The following PCDHGA9 variants were observed in gnomAD, a reference collection of about 807,000 sequenced individuals.
PCDHGA9 encodes protocadherin gamma-A9.
A neutral mutation model predicts 62.5 loss-of-function variants in PCDHGA9; 37 were observed. The observed-to-expected ratio is 0.59, with a 90% CI of 0.46 to 0.78. PCDHGA9 has a LOEUF of 0.78. PCDHGA9 is among the 30% of genes least tolerant of loss of function. PCDHGA9 has a pLI of 0.00. For synonymous variants in PCDHGA9, 459 were observed against 484.6 expected (o/e 0.95, Z 0.69); for missense variants, 1,138 against 1,166.2 (o/e 0.98, Z 0.35).
At chr5:141,430,383 G>A (rs527531595) in intron 1 of PCDHGA9, among the ~76,000 whole-genome samples, 74 of 138,604 alleles carry the variant, frequency 5.3e-4, no homozygotes, top group Admixed American at 8.6e-4. Flanking sequence ...AGCTCATTGG[G>A]AAAAAAAAAA....
chr5:141,487,802 C>T lies in PCDHGA9; in HGVS notation c.2425-7005C>T, dbSNP rs765438219. The T allele has an allele frequency of 9.5e-6, 14 of 1,477,306 alleles. No individual in the cohort carries two copies. The South Asian group carries it at 1.7e-4, about 18-fold the overall frequency. 91.5% of individuals were successfully genotyped at this position (1,477,306 alleles called of 1,614,324 possible). A position where few individuals can be genotyped will look rare whatever the true frequency, so the allele number is the denominator to read the frequency against. ...TTTCGTGAATTAACCAGAGTTGTCACAGTTTAGCATTGGGGGCGGGTCATG... is the reference window on the plus strand; with the variant it reads ...TTTCGTGAATTAACCAGAGTTGTCATAGTTTAGCATTGGGGGCGGGTCATG... On this transcript the variant is annotated intron_variant, in intron 1 of 3. Transcript: ENST00000573521. The surrounding 1 kb of genome is among the most constrained non-coding windows in gnomAD (Gnocchi z 5.0).
At chr5:141,455,292 G>A (rs2098818902) in intron 1 of PCDHGA9, among the ~76,000 whole-genome samples, 1 of 152,068 alleles carries the variant, frequency 6.6e-6, no homozygotes, top group East Asian at 1.9e-4. Context: ...ACTTTACATA[G>A]TTTCATCTTG....
chr5:141,433,843 A>C (rs2097657951), intron 1 of PCDHGA9, among the ~76,000 whole-genome samples: 1 of 151,956 alleles, frequency 6.6e-6, no homozygotes, highest in African/African-American at 2.4e-5. Context: ...ATCTCAAAAA[A>C]AAAAAAAAAA....
intron 1 of PCDHGA9, chr5:141,417,260 G>A (rs1362206061): frequency 1.3e-5 from 2 of 152,174 alleles, no homozygotes; most frequent in Non-Finnish European, 2.9e-5. Context: ...CAGCTTCATA[G>A]ATAATTACTC....
intron 1 of PCDHGA9, among the ~76,000 whole-genome samples, chr5:141,482,104 A>T (rs11748215): frequency 0.23 from 34,477 of 150,324 alleles, 4,798 homozygotes; most frequent in African/African-American, 0.39. Context: ...AAAAAAAAAA[A>T]ATATCTAGAG....
chr5:141,419,681 G>T (rs377117997), intron 1 of PCDHGA9: 89 of 1,612,904 alleles, frequency 5.5e-5, no homozygotes, highest in Non-Finnish European at 7.0e-5. Flanking sequence ...GTCCTACCAC[G>T]TGGTGCAGGC....
chr5:141,477,219 G>A lies in PCDHGA9; in HGVS notation c.2425-17588G>A. ...CCAGTACCCGAGGATGCCCCTCTGG[G>A]GACTGTCATCGCTTTGCTCAGTGTG... On this transcript the variant is annotated intron_variant, in intron 1 of 3. Coordinates refer to ENST00000573521, the MANE Select transcript of PCDHGA9 (RefSeq NM_018921.3). The surrounding 1 kb of genome is among the most constrained non-coding windows in gnomAD (Gnocchi z 4.9). 1 of 1,614,162 alleles carries A rather than the reference G, an allele frequency of 6.2e-7. No homozygotes were observed. The highest frequency in any genetic ancestry group is 8.5e-7 in the Non-Finnish European group (1 of 1,180,038).
intron 1 of PCDHGA9, chr5:141,408,968 C>T (rs752629281): frequency 6.2e-7 from 1 of 1,613,702 alleles, no homozygotes; most frequent in Non-Finnish European, 8.5e-7. Context: ...TGAAAATCTG[C>T]CCCCTGGGTC....
chr5:141,456,236 T>G (rs1299029934), intron 1 of PCDHGA9, among the ~76,000 whole-genome samples: 1 of 152,120 alleles, frequency 6.6e-6, no homozygotes, highest in African/African-American at 2.4e-5. Flanking sequence ...TAACTGCTGT[T>G]AGGAGGCTTT....
In PCDHGA9 at chr5:141,477,556, T is replaced by C. The variant is rs2099412953; in HGVS notation, c.2425-17251T>C. On this transcript the variant is annotated intron_variant, in intron 1 of 3. Transcript: ENST00000573521. The surrounding 1 kb of genome is among the most constrained non-coding windows in gnomAD (Gnocchi z 4.9). The stretch of plus-strand genomic sequence containing the variant: ...CCGGGGCTCCAATACTAAACCTAAG[T>C]GTCTGGGACCCCGACGCCCCGCAGA... 6.2e-7 allele frequency: 1 copy of C among 1,614,164 alleles called. No homozygotes were observed. The highest frequency in any genetic ancestry group is 1.1e-5 in the South Asian group (1 of 91,086).
chr5:141,423,210 C>A (rs954945082), intron 1 of PCDHGA9: 2 of 1,613,578 alleles, frequency 1.2e-6, no homozygotes, highest in East Asian at 4.5e-5. Flanking sequence ...CCGTCACGCT[C>A]ACCGTGGCTG....
intron 1 of PCDHGA9, chr5:141,428,437 C>G: frequency 2.5e-6 from 1 of 400,386 alleles, no homozygotes; most frequent in East Asian, 5.4e-5. Flanking sequence ...TAAGACTAGA[C>G]CAGGGGTTTT....
In PCDHGA9 at chr5:141,487,161, T is replaced by G; in HGVS notation, c.2425-7646T>G. ...CTCTCTACCTCTGTTACTCTCTTAGTGTCCTTAGAGGAAGACACTCATCCA... is the reference window on the plus strand; with the variant it reads ...CTCTCTACCTCTGTTACTCTCTTAGGGTCCTTAGAGGAAGACACTCATCCA... On this transcript the variant is annotated intron_variant, in intron 1 of 3. Transcript: ENST00000573521. The surrounding 1 kb of genome is among the most constrained non-coding windows in gnomAD (Gnocchi z 5.0). The G allele has an allele frequency of 6.2e-7, 1 of 1,613,528 alleles. No individual in the cohort carries two copies. The highest frequency in any genetic ancestry group is 1.1e-5 in the South Asian group (1 of 91,072).
intron 2 of PCDHGA9, among the ~76,000 whole-genome samples, chr5:141,497,212 G>A (rs968445663): frequency 6.6e-6 from 1 of 150,900 alleles, no homozygotes; most frequent in Non-Finnish European, 1.5e-5. Flanking sequence ...AGTGTAATGG[G>A]GGGGGGAAGA....
chr5:141,419,852 G>A, intron 1 of PCDHGA9: 1 of 1,614,066 alleles, frequency 6.2e-7, no homozygotes, highest in Non-Finnish European at 8.5e-7. Flanking sequence ...CCTGGTGTTC[G>A]CAGATAGCTT....
At position 141,402,911 on chromosome 5, in the gene PCDHGA9, C is replaced by CT. The variant is rs2094320554; in HGVS notation, c.-42_-41insT. 6 of 1,551,858 alleles carry CT rather than the reference C, an allele frequency of 3.9e-6. No homozygotes were observed. In the African/African-American group the frequency reaches 8.2e-5, roughly 21 times the overall value. ...GAAGAAAGAACCTGATGAAGCAGCG[C>CT]GCACAGAGATCCTTTTGAGAAAATT... On this transcript the variant is annotated 5_prime_UTR_variant, in exon 1 of 4. An upstream open reading frame in the 5' UTR loses its in-frame stop. Coordinates refer to ENST00000573521, the MANE Select transcript of PCDHGA9 (RefSeq NM_018921.3).
intron 1 of PCDHGA9, among the ~76,000 whole-genome samples, chr5:141,436,328 A>G (rs146180035): frequency 6.6e-6 from 1 of 152,326 alleles, no homozygotes; most frequent in East Asian, 1.9e-4. Flanking sequence ...CTGTTAGACC[A>G]TATCTCAAAT....
chr5:141,420,187 C>G (rs1369031488), intron 1 of PCDHGA9: 1 of 1,613,706 alleles, frequency 6.2e-7, no homozygotes, highest in East Asian at 2.2e-5. Context: ...ATTGTCCAGC[C>G]ACACAAGATA....
intron 1 of PCDHGA9, among the ~76,000 whole-genome samples, chr5:141,469,671 A>G (rs1285283342): frequency 1.3e-5 from 2 of 152,236 alleles, no homozygotes; most frequent in Non-Finnish European, 2.9e-5. Flanking sequence ...TTCTAATAAA[A>G]CTACATATGC....
Sources: allele counts gnomAD v4.1 joint callset (sites outside exome capture counted in the v4.1 genomes callset), GRCh38; gene constraint gnomAD v4.1.1; non-coding constraint Gnocchi (gnomAD v3.1); transcripts MANE v1.5; gene names NCBI Gene and HGNC (gene_info 2026-07-23, HGNC 2026-07-21).